EVC2: variants seen among roughly 807,000 people sequenced by gnomAD.
The protein encoded by EVC2 is EvC ciliary complex subunit 2, also known as limbin.
Under a neutral mutation model 149.3 loss-of-function variants are expected in EVC2, and 148 were observed. The observed-to-expected ratio is 0.99, with a 90% CI of 0.87 to 1.14. The LOEUF (loss-of-function observed/expected upper bound fraction) is 1.14. Among genes scored for constraint, EVC2 ranks in the 50% most tolerant of loss-of-function variants. The pLI is 0.00. For missense variants in EVC2, 1,854 were observed against 1,627.3 expected, an observed-to-expected ratio of 1.14 and a Z score of -2.40; for synonymous variants, 776 against 649.9, an observed-to-expected ratio of 1.19 and a Z score of -2.95.
chr4:5,700,825 C>A (rs73067760), intron 1 of EVC2, among the ~76,000 whole-genome samples: 4,063 of 152,332 alleles, frequency 0.027, 147 homozygotes, highest in African/African-American at 0.09. Context: ...GTCGAGGTCA[C>A]CACAGCCACT....
chr4:5,613,687 C>T lies in EVC2; in HGVS notation c.2829+1735G>A, dbSNP rs1715025807. On this transcript the variant is annotated intron_variant, in intron 16 of 21. Coordinates refer to ENST00000344408, the MANE Select transcript of EVC2 (RefSeq NM_147127.5). This position sits in a 1 kb window ranked among gnomAD's most constrained non-coding sequence, Gnocchi z 4.6. Reference sequence around the variant, plus strand: ...TGCTTGATGGAGTTTGTTTAATACTCAGGTAGTTTAGGAAGCCCAGTGGCT... The same window carrying T: ...TGCTTGATGGAGTTTGTTTAATACTTAGGTAGTTTAGGAAGCCCAGTGGCT... 6.6e-6 allele frequency among the ~76,000 whole-genome samples: 1 copy of T among 151,896 alleles called. No individual in the cohort carries two copies. The highest frequency in any genetic ancestry group is 2.4e-5 in the African/African-American group (1 of 41,192).
At chr4:5,692,950 G>A (rs1197907641) in intron 3 of EVC2, among the ~76,000 whole-genome samples, 2 of 150,722 alleles carry the variant, frequency 1.3e-5, no homozygotes, top group African/African-American at 4.9e-5. Flanking sequence ...ATATGCAACA[G>A]CATCAGCCTG....
intron 9 of EVC2, among the ~76,000 whole-genome samples, chr4:5,644,365 T>C (rs1004913697): frequency 1.3e-5 from 2 of 152,154 alleles, no homozygotes; most frequent in Admixed American, 1.3e-4. Flanking sequence ...AGTGCAGTGG[T>C]GTGATCTCGG....
chr4:5,652,668 G>A (rs890920338), intron 9 of EVC2, among the ~76,000 whole-genome samples: 1 of 152,162 alleles, frequency 6.6e-6, no homozygotes, highest in African/African-American at 2.4e-5. Flanking sequence ...GGGAGGGTCT[G>A]CAGCCTTAGA....
Position 5,622,851 on chromosome 4 carries a change from G to T in EVC2, c.2187C>A (p.Asp729Glu). 6.2e-7 allele frequency: 1 copy of T among 1,614,044 alleles called. No homozygotes were observed. Among genetic ancestry groups the T allele is most frequent in the Non-Finnish European group, 8.5e-7 (1 of 1,180,024 alleles). ...ATLEELQERL[D>E]QAALDDLRTL... ...TCCTGAGATCGTCCAGGGCGGCCTG[G>T]TCCAGACGCTCCTGCAGCTCCTCCA... The change falls in exon 14 of 22, where the codon GAC (aspartate) becomes GAA (glutamate). Residue 729 changes from aspartate (D) to glutamate (E), a missense_variant. By Grantham distance (45) the Asp-to-Glu change is conservative. Transcript: ENST00000344408. This position sits in a 1 kb window ranked among gnomAD's most constrained non-coding sequence, Gnocchi z 5.8.
chr4:5,570,074 G>C (rs1339901941), intron 19 of EVC2, among the ~76,000 whole-genome samples: 1 of 152,110 alleles, frequency 6.6e-6, no homozygotes, highest in Non-Finnish European at 1.5e-5. Flanking sequence ...TGGGTCAGGT[G>C]TCCCTCCTCT....
At chr4:5,588,168 G>C (rs1027801086) in intron 16 of EVC2, among the ~76,000 whole-genome samples, 2 of 152,178 alleles carry the variant, frequency 1.3e-5, no homozygotes, top group African/African-American at 2.4e-5. Context: ...TCTGAATAAA[G>C]AATTTTAGGT....
At chr4:5,703,108 T>C (rs901842216) in intron 1 of EVC2, among the ~76,000 whole-genome samples, 2 of 152,228 alleles carry the variant, frequency 1.3e-5, no homozygotes, top group African/African-American at 4.8e-5. Context: ...GCATACTGTA[T>C]AGCAAAACCA....
chr4:5,598,274 C>G (rs1713640371), intron 16 of EVC2, among the ~76,000 whole-genome samples: 1 of 151,764 alleles, frequency 6.6e-6, no homozygotes, highest in African/African-American at 2.4e-5. Flanking sequence ...AATCCTAAGC[C>G]AAAAGAACAA....
chr4:5,557,816 C>G (rs928627380), downstream of EVC2, among the ~76,000 whole-genome samples: 1 of 152,036 alleles, frequency 6.6e-6, no homozygotes, highest in Non-Finnish European at 1.5e-5. Context: ...ATTTAAAATA[C>G]CACCAAATTA....
chr4:5,663,104 T>C lies in EVC2; in HGVS notation c.1145+3A>G, dbSNP rs1719011951. On this transcript the variant is annotated splice_donor_region_variant and intron_variant, in intron 9 of 21. Coordinates refer to ENST00000344408, the MANE Select transcript of EVC2 (RefSeq NM_147127.5). ...TAAGTATAATGGGATTTAGAATTCTTACTCTTCTAAGGCTTGAAGCATGCT... is the reference window on the plus strand; with the variant it reads ...TAAGTATAATGGGATTTAGAATTCTCACTCTTCTAAGGCTTGAAGCATGCT... 1.1e-5 allele frequency: 18 copies of C among 1,614,050 alleles called. No individual in the cohort carries two copies. The highest frequency in any genetic ancestry group is 1.4e-5 in the Non-Finnish European group (17 of 1,179,932).
At chr4:5,665,370 T>C in intron 8 of EVC2, 145 bp downstream of exon 8, 1 of 1,194,882 alleles carries the variant, frequency 8.4e-7, no homozygotes, top group Non-Finnish European at 1.2e-6. Context: ...AACAGCAGTT[T>C]TGGAGGTGGG....
At chr4:5,620,899 T>C (rs1366463413) in intron 14 of EVC2, among the ~76,000 whole-genome samples, 2 of 152,236 alleles carry the variant, frequency 1.3e-5, no homozygotes, top group Admixed American at 1.3e-4. Context: ...TTCTGGAATG[T>C]AGGCTAAGCT....
intron 16 of EVC2, among the ~76,000 whole-genome samples, chr4:5,595,190 A>G (rs1713269309): frequency 2.0e-5 from 3 of 152,186 alleles, no homozygotes; most frequent in African/African-American, 7.2e-5. Context: ...AAGGCAGGCC[A>G]ACATTCAGAT....
At position 5,633,585 on chromosome 4, in the gene EVC2, G is replaced by A. The variant is rs1179023546; in HGVS notation, c.1471-1553C>T. Among the ~76,000 whole-genome samples, 2 of 152,230 alleles carry A rather than the reference G, an allele frequency of 1.3e-5. No homozygotes were observed. Among genetic ancestry groups the A allele is most frequent in the African/African-American group, 4.8e-5 (2 of 41,468 alleles). The stretch of plus-strand genomic sequence containing the variant: ...CAGTGGAGCTTGTTGGTGAAGCGAA[G>A]GCAGGGAAAGGCTTACGCGTGCAGG... On this transcript the variant is annotated intron_variant, in intron 10 of 21. Transcript: ENST00000344408. The surrounding 1 kb of genome is among the most constrained non-coding windows in gnomAD (Gnocchi z 4.4).
chr4:5,685,515 C>T (rs770554853), intron 5 of EVC2, 36 bp from the exon 6 acceptor site: 1 of 1,587,008 alleles, frequency 6.3e-7, no homozygotes, highest in Non-Finnish European at 8.7e-7. Flanking sequence ...TCAGGGAGGG[C>T]TTGGCCACGC....
downstream of EVC2, among the ~76,000 whole-genome samples, chr4:5,541,395 C>T (rs1435186223): frequency 1.3e-5 from 2 of 152,106 alleles, no homozygotes; most frequent in African/African-American, 2.4e-5. Context: ...GAGGGAAGCT[C>T]GGAAGCAGTT....
chr4:5,574,851 CA>C, intron 18 of EVC2, 79 bp from the exon 19 acceptor site: 1 of 1,367,960 alleles, frequency 7.3e-7, no homozygotes, highest in Non-Finnish European at 1.0e-6. Flanking sequence ...ATTTAAATAA[CA>C]AAGAAGCACA....
intron 16 of EVC2, among the ~76,000 whole-genome samples, chr4:5,593,102 T>G (rs1172589052): frequency 6.6e-6 from 1 of 152,172 alleles, no homozygotes; most frequent in Non-Finnish European, 1.5e-5. Flanking sequence ...CTGCCATGAT[T>G]GTAAGTTTCT....
Sources: gnomAD v4.1 joint callset for allele counts (sites outside exome capture counted in the v4.1 genomes callset) on GRCh38, gnomAD v4.1.1 for gene constraint, Gnocchi (gnomAD v3.1) non-coding constraint, MANE v1.5 for transcripts, NCBI Gene and HGNC (gene_info 2026-07-23, HGNC 2026-07-21) for gene names.